SORCS1: variants seen among roughly 807,000 people sequenced by gnomAD.
The protein encoded by SORCS1 is VPS10 domain-containing receptor SorCS1.
A neutral mutation model predicts 146.1 loss-of-function variants in SORCS1; 60 were observed. That is an observed-to-expected ratio of 0.41 (90% confidence interval 0.33 to 0.51). The LOEUF is 0.51. SORCS1 is among the 20% of genes least tolerant of loss of function. The probability of loss-of-function intolerance (pLI) is 0.21; values close to 1 mark genes in which losing one functional copy is unlikely to be tolerated. For missense variants in SORCS1, 1,352 were observed against 1,487.6 expected, an observed-to-expected ratio of 0.91 and a Z score of 1.50; for synonymous variants, 637 against 584.0, an observed-to-expected ratio of 1.09 and a Z score of -1.31.
At chr10:106,963,408 C>T (rs1665195922) in intron 1 of SORCS1, among the ~76,000 whole-genome samples, 1 of 152,096 alleles carries the variant, frequency 6.6e-6, no homozygotes, top group African/African-American at 2.4e-5. Flanking sequence ...AGGCACCGCA[C>T]CCGGCCAGAA....
At chr10:107,145,696 G>C (rs772815427) in intron 1 of SORCS1, among the ~76,000 whole-genome samples, 2 of 152,162 alleles carry the variant, frequency 1.3e-5, no homozygotes, top group Non-Finnish European at 2.9e-5. Context: ...TTCAAATTTT[G>C]TTCCAATTGA....
intron 2 of SORCS1, among the ~76,000 whole-genome samples, chr10:106,906,048 T>C (rs1034908901): frequency 1.3e-5 from 2 of 152,214 alleles, no homozygotes; most frequent in Admixed American, 6.5e-5. Context: ...TAACCACTTG[T>C]ATTAGTCCGT....
chr10:107,120,525 T>C (rs1363531174), intron 1 of SORCS1, among the ~76,000 whole-genome samples: 3 of 152,186 alleles, frequency 2.0e-5, no homozygotes, highest in African/African-American at 4.8e-5. Context: ...GTGATACTTA[T>C]TAGTTTATAG....
At chr10:106,679,405 A>C in intron 11 of SORCS1, 73 bp from the exon 12 acceptor site, 1 of 1,247,054 alleles carries the variant, frequency 8.0e-7, no homozygotes, top group Non-Finnish European at 1.2e-6. Flanking sequence ...TGGCAGGTGC[A>C]CTGCCTGAGA....
At chr10:106,780,852 A>G (rs1860834008) in intron 3 of SORCS1, among the ~76,000 whole-genome samples, 1 of 152,178 alleles carries the variant, frequency 6.6e-6, no homozygotes. Flanking sequence ...ACAGGATCCT[A>G]CCACCCAACT....
At chr10:106,952,122 T>C (rs1248494702) in intron 2 of SORCS1, among the ~76,000 whole-genome samples, 2 of 152,180 alleles carry the variant, frequency 1.3e-5, no homozygotes, top group African/African-American at 4.8e-5. Context: ...ATTTCTTCCC[T>C]GCTATGTTAA....
At chr10:107,177,673 A>G in the SORCS1 span, among the ~76,000 whole-genome samples, 1 of 152,236 alleles carries the variant, frequency 6.6e-6, no homozygotes, top group Non-Finnish European at 1.5e-5. Context: ...TTCTTACAAT[A>G]TGTAATGATC....
rs1854552057 is a variant in SORCS1 at position 106,706,632 on chromosome 10, C to G, written c.1146G>C (p.Leu382=). The change falls in exon 8 of 26, where the codon CTG becomes CTC. Residue 382 remains leucine (L), a splice_region_variant and synonymous_variant. Transcript: ENST00000263054. ...IVQDHYVFVQ[L]TSGGRPHYYV... ...AGTAATGTGGCCGCCCTCCTGATGTCAGCTGGATCATAAAAACAAGACTGT... is the reference window on the plus strand; with the variant it reads ...AGTAATGTGGCCGCCCTCCTGATGTGAGCTGGATCATAAAAACAAGACTGT... 6.2e-7 allele frequency: 1 copy of G among 1,614,054 alleles called. No individual in the cohort carries two copies. Among genetic ancestry groups the G allele is most frequent in the Non-Finnish European group, 8.5e-7 (1 of 1,179,952 alleles).
intron 9 of SORCS1, among the ~76,000 whole-genome samples, chr10:106,690,112 C>T (rs980671203): frequency 6.6e-6 from 1 of 152,202 alleles, no homozygotes; most frequent in Non-Finnish European, 1.5e-5. Context: ...GAGCACTCTA[C>T]CTCACAACAG....
chr10:107,111,248 C>T (rs1965678359), intron 1 of SORCS1, among the ~76,000 whole-genome samples: 1 of 151,944 alleles, frequency 6.6e-6, no homozygotes, highest in East Asian at 1.9e-4. Context: ...TACAAATTTC[C>T]TTAAAAAAGA....
chr10:106,759,448 G>T (rs1353752918), intron 5 of SORCS1, among the ~76,000 whole-genome samples: 1 of 152,204 alleles, frequency 6.6e-6, no homozygotes, highest in Non-Finnish European at 1.5e-5. Context: ...GCAGATTAGA[G>T]AAATTAGGGT....
intron 2 of SORCS1, among the ~76,000 whole-genome samples, chr10:106,887,782 A>G (rs1328391482): frequency 6.6e-6 from 1 of 152,180 alleles, no homozygotes; most frequent in Non-Finnish European, 1.5e-5. Flanking sequence ...ACATTCTGTA[A>G]TGTTTACATG....
At chr10:107,165,345 C>T (rs1287807506), upstream of SORCS1, among the ~76,000 whole-genome samples, 12 of 144,820 alleles carry the variant, frequency 8.3e-5, no homozygotes. This position sits in a 1 kb window ranked among gnomAD's most constrained non-coding sequence, Gnocchi z 4.0. Flanking sequence ...TTTTTTTTCC[C>T]ATCAATTTTA....
chr10:106,784,581 C>T (rs1452970028), intron 3 of SORCS1, among the ~76,000 whole-genome samples: 1 of 152,126 alleles, frequency 6.6e-6, no homozygotes, highest in Admixed American at 6.5e-5. Flanking sequence ...CTTCCATCAA[C>T]ATTACAAGTC....
chr10:106,667,838 G>A (rs752791547), intron 16 of SORCS1, 36 bp from the exon 17 acceptor site: 31 of 1,531,526 alleles, frequency 2.0e-5, no homozygotes, highest in Non-Finnish European at 2.7e-5. Flanking sequence ...CTTTCACTAG[G>A]TGGCAAAATT....
Position 106,941,806 on chromosome 10 carries a change from C to T in SORCS1, c.626+14707G>A, listed in dbSNP as rs143537782. ...GCAAGAAAACCAGTATTACTTCAGCCTAATATCTGAGCGACTCACTCTGTG... is the reference window on the plus strand; with the variant it reads ...GCAAGAAAACCAGTATTACTTCAGCTTAATATCTGAGCGACTCACTCTGTG... On this transcript the variant is annotated intron_variant, in intron 2 of 25. Transcript: ENST00000263054. Among the ~76,000 whole-genome samples, 228 of 152,336 alleles carry T rather than the reference C, an allele frequency of 1.5e-3. 1 individual carries two copies. The highest frequency in any genetic ancestry group is 6.7e-3 in the East Asian group (35 of 5,190).
intron 5 of SORCS1, among the ~76,000 whole-genome samples, chr10:106,735,671 A>T (rs917969636): frequency 6.6e-6 from 1 of 152,216 alleles, no homozygotes; most frequent in Non-Finnish European, 1.5e-5. Context: ...AATAGGATGG[A>T]TCCAGTGTTT....
intron 1 of SORCS1, among the ~76,000 whole-genome samples, chr10:107,156,822 A>C (rs1385774556): frequency 6.6e-6 from 1 of 152,016 alleles, no homozygotes; most frequent in Non-Finnish European, 1.5e-5. Context: ...AGATGGCTAT[A>C]CCTCCCTTCT....
chr10:107,156,221 T>G (rs1969271160), intron 1 of SORCS1, among the ~76,000 whole-genome samples: 1 of 152,132 alleles, frequency 6.6e-6, no homozygotes, highest in South Asian at 2.1e-4. Context: ...AAAAATAAAC[T>G]TATACAAAAA....
Sources: gnomAD v4.1 joint callset for allele counts (sites outside exome capture counted in the v4.1 genomes callset) on GRCh38, gnomAD v4.1.1 for gene constraint, Gnocchi (gnomAD v3.1) non-coding constraint, MANE v1.5 for transcripts, NCBI Gene and HGNC (gene_info 2026-07-23, HGNC 2026-07-21) for gene names.